ENOX1: variants seen among roughly 807,000 people sequenced by gnomAD.
The protein encoded by ENOX1 is candidate growth-related and time keeping constitutive hydroquinone (NADH) oxidase.
Under a neutral mutation model 82.5 loss-of-function variants are expected in ENOX1, and 42 were observed. The ratio of observed to expected loss-of-function variants is 0.51; its 90% CI spans 0.40 to 0.66. The LOEUF (loss-of-function observed/expected upper bound fraction) is 0.66. Ranked by LOEUF, ENOX1 falls within the 30% of genes least tolerant of loss-of-function variation. The pLI is 0.00. For synonymous variants in ENOX1, 271 were observed against 282.2 expected (o/e 0.96, Z 0.40); for missense variants, 608 against 811.6 (o/e 0.75, Z 3.05).
At chr13:43,384,949 G>T (rs534320210) in intron 5 of ENOX1, among the ~76,000 whole-genome samples, 2 of 152,194 alleles carry the variant, frequency 1.3e-5, no homozygotes, top group African/African-American at 4.8e-5. Flanking sequence ...AAACAAGGCT[G>T]TTCATTGGTT....
chr13:43,629,074 G>C (rs1413228000), intron 2 of ENOX1, among the ~76,000 whole-genome samples: 4 of 152,092 alleles, frequency 2.6e-5, no homozygotes, highest in Non-Finnish European at 5.9e-5. Context: ...ATGAGGAGAG[G>C]GGACAAGTCG....
intron 2 of ENOX1, among the ~76,000 whole-genome samples, chr13:43,490,836 A>T (rs1234010195): frequency 6.6e-6 from 1 of 152,226 alleles, no homozygotes; most frequent in Admixed American, 6.5e-5. Flanking sequence ...TTGGTATAGC[A>T]GCACAAATAG....
intron 14 of ENOX1, among the ~76,000 whole-genome samples, chr13:43,260,534 C>T (rs1000415575): frequency 6.6e-6 from 1 of 152,162 alleles, no homozygotes; most frequent in Non-Finnish European, 1.5e-5. Flanking sequence ...GCTGTCACTG[C>T]ATTTCATTCC....
intron 14 of ENOX1, among the ~76,000 whole-genome samples, chr13:43,249,688 G>T (rs1198415670): frequency 6.6e-6 from 1 of 151,994 alleles, no homozygotes; most frequent in Non-Finnish European, 1.5e-5. Context: ...AGGGTTTTTT[G>T]ACCTTTCTAG....
At chr13:43,470,378 ATATATATACG>A (rs2058005557) in intron 3 of ENOX1, among the ~76,000 whole-genome samples, 1 of 35,724 alleles carries the variant, frequency 2.8e-5, no homozygotes, top group Admixed American at 2.2e-4. Context: ...ATATATATAC[ATATATATACG>A]TATATATATG....
At chr13:43,509,612 A>C (rs1054732488) in intron 2 of ENOX1, among the ~76,000 whole-genome samples, 5 of 152,110 alleles carry the variant, frequency 3.3e-5, no homozygotes, top group Admixed American at 3.3e-4. Context: ...AGATTTGGAA[A>C]ATGTGAAAAT....
chr13:43,669,255 A>T (rs893504375), intron 1 of ENOX1, among the ~76,000 whole-genome samples: 5 of 152,226 alleles, frequency 3.3e-5, no homozygotes, highest in African/African-American at 1.2e-4. Flanking sequence ...GCTATTTGGC[A>T]GATGCCCTGC....
At position 43,504,283 on chromosome 13, in the gene ENOX1, G is replaced by C. The variant is rs371641458; in HGVS notation, c.-218-20131C>G. Among the ~76,000 whole-genome samples the C allele has an allele frequency of 2.6e-4, 39 of 151,814 alleles. No individual in the cohort carries two copies. In the South Asian group the frequency reaches 7.9e-3, roughly 31 times the overall value. ...TGTATGGGGATTCCTTAAAGAATCA[G>C]AACTACCACTGGATAGTAGAAATCC... On this transcript the variant is annotated intron_variant, in intron 2 of 16. Coordinates refer to ENST00000690772, the MANE Select transcript of ENOX1 (RefSeq NM_001347969.2).
chr13:43,707,923 C>T (rs1344257382), intron 1 of ENOX1, among the ~76,000 whole-genome samples: 1 of 151,996 alleles, frequency 6.6e-6, no homozygotes, highest in Admixed American at 6.6e-5. Context: ...GTTAGGCAGA[C>T]ATGAGCAGAG....
At chr13:43,481,219 A>G (rs553796201) in intron 3 of ENOX1, among the ~76,000 whole-genome samples, 3 of 152,300 alleles carry the variant, frequency 2.0e-5, no homozygotes, top group African/African-American at 4.8e-5. Flanking sequence ...CTCTCTATAT[A>G]TTATATACAG....
intron 15 of ENOX1, among the ~76,000 whole-genome samples, chr13:43,224,347 A>G (rs2041931985): frequency 6.6e-6 from 1 of 152,256 alleles, no homozygotes; most frequent in African/African-American, 2.4e-5. Context: ...CTGGAATGAT[A>G]GTAGTTAGCA....
At chr13:43,461,036 A>ACTGGTGGTTCTCAATTCTGG (rs924059381) in intron 3 of ENOX1, among the ~76,000 whole-genome samples, 8 of 152,208 alleles carry the variant, frequency 5.3e-5, no homozygotes, top group African/African-American at 1.4e-4. Context: ...TTTCCTTTAC[A>ACTGGTGGTTCTCAATTCTGG]CTGGTGGTTC....
chr13:43,322,079 A>T (rs1180868719), intron 11 of ENOX1, among the ~76,000 whole-genome samples: 3 of 152,248 alleles, frequency 2.0e-5, no homozygotes, highest in South Asian at 4.1e-4. Context: ...AATTTTATCC[A>T]TATTTTTAGC....
At chr13:43,289,096 C>A (rs1281529596) in intron 12 of ENOX1, among the ~76,000 whole-genome samples, 1 of 152,200 alleles carries the variant, frequency 6.6e-6, no homozygotes, top group Non-Finnish European at 1.5e-5. Context: ...AAAAACACTT[C>A]ATGCTCATGG....
At chr13:43,783,615 G>A (rs1376793522) in intron 1 of ENOX1, among the ~76,000 whole-genome samples, 2 of 152,066 alleles carry the variant, frequency 1.3e-5, no homozygotes, top group African/African-American at 4.8e-5. Flanking sequence ...ATCTATTTAG[G>A]TATTATAGAA....
At chr13:43,254,980 C>T (rs777974909) in intron 14 of ENOX1, among the ~76,000 whole-genome samples, 1 of 152,028 alleles carries the variant, frequency 6.6e-6, no homozygotes, top group East Asian at 1.9e-4. Context: ...AAATAGTAAT[C>T]CAATTGAAAC....
intron 11 of ENOX1, among the ~76,000 whole-genome samples, chr13:43,318,531 A>G (rs1288040246): frequency 1.3e-5 from 2 of 152,220 alleles, no homozygotes; most frequent in African/African-American, 4.8e-5. Flanking sequence ...TTGTACGTAT[A>G]AAGTTCTGAA....
At chr13:43,375,327 T>C (rs1391119863) in intron 5 of ENOX1, among the ~76,000 whole-genome samples, 1 of 152,162 alleles carries the variant, frequency 6.6e-6, no homozygotes, top group Non-Finnish European at 1.5e-5. Context: ...TTGCAATCCA[T>C]GGTTCTCAGC....
At chr13:43,281,524 C>T (rs2045383908) in intron 12 of ENOX1, among the ~76,000 whole-genome samples, 1 of 151,176 alleles carries the variant, frequency 6.6e-6, no homozygotes, top group South Asian at 2.1e-4. Context: ...CCCAGCTTCA[C>T]ACTTATTATT....
Sources: gnomAD v4.1 joint callset for allele counts (sites outside exome capture counted in the v4.1 genomes callset) on GRCh38, gnomAD v4.1.1 for gene constraint, MANE v1.5 for transcripts, NCBI Gene and HGNC (gene_info 2026-07-23, HGNC 2026-07-21) for gene names.